The following PCDHGB3 variants were observed in gnomAD, a reference collection of about 807,000 sequenced individuals.
PCDHGB3 encodes the protein protocadherin gamma-B3.
In PCDHGB3, 40 loss-of-function variants were observed where a neutral mutation model predicts 59.2. The ratio of observed to expected loss-of-function variants is 0.68; its 90% CI spans 0.52 to 0.88. The LOEUF (loss-of-function observed/expected upper bound fraction) is 0.88, where lower values mean the gene tolerates loss of function less well. Ranked by LOEUF, PCDHGB3 falls within the 40% of genes least tolerant of loss-of-function variation. PCDHGB3 has a pLI of 0.00. For missense variants in PCDHGB3, 1,309 were observed against 1,187.9 expected, an observed-to-expected ratio of 1.10 and a Z score of -1.50; for synonymous variants, 581 against 503.6, an observed-to-expected ratio of 1.15 and a Z score of -2.06.
At chr5:141,377,750 G>A (rs532331824) in intron 1 of PCDHGB3, 1 of 152,230 alleles carries the variant, frequency 6.6e-6, no homozygotes, top group South Asian at 2.1e-4. Context: ...ACTGCAGCAG[G>A]GGACACCAGA....
chr5:141,406,375 T>C (rs1427638211), intron 1 of PCDHGB3, among the ~76,000 whole-genome samples: 1 of 152,186 alleles, frequency 6.6e-6, no homozygotes, highest in Non-Finnish European at 1.5e-5. Flanking sequence ...GGTAAACTGA[T>C]AAAAAGGTAA....
Position 141,399,470 on chromosome 5 carries a change from T to C in PCDHGB3, c.2415+26661T>C, listed in dbSNP as rs773359741. 70 of 1,614,018 alleles carry C rather than the reference T, an allele frequency of 4.3e-5. No individual in the cohort carries two copies. The Middle Eastern group carries it at 4.9e-4, about 11-fold the overall frequency. On this transcript the variant is annotated intron_variant, in intron 1 of 3. Coordinates refer to ENST00000576222, the MANE Select transcript of PCDHGB3 (RefSeq NM_018924.5). ...GACGTCAACGATAACGCTCCGGTTT[T>C]CCACCAGGCGTCCTACTTAGTCAGT... is the stretch of plus-strand genomic sequence containing the variant.
At chr5:141,504,990 C>T (rs1056476591) in intron 2 of PCDHGB3, among the ~76,000 whole-genome samples, 3 of 151,976 alleles carry the variant, frequency 2.0e-5, no homozygotes, top group Non-Finnish European at 2.9e-5. Context: ...GGTGAAACCC[C>T]GTCTGTACTA....
intron 1 of PCDHGB3, chr5:141,415,715 T>A: frequency 7.0e-7 from 1 of 1,428,190 alleles, no homozygotes; most frequent in Non-Finnish European, 9.3e-7. Flanking sequence ...AAAACACTGA[T>A]GAGTAGAATT....
chr5:141,477,431 G>T lies in PCDHGB3; in HGVS notation c.2416-17376G>T. 3 of 1,614,080 alleles carry T rather than the reference G, an allele frequency of 1.9e-6. No homozygotes were observed. The highest frequency in any genetic ancestry group is 2.5e-6 in the Non-Finnish European group (3 of 1,180,012). On this transcript the variant is annotated intron_variant, in intron 1 of 3. Transcript: ENST00000576222. This position sits in a 1 kb window ranked among gnomAD's most constrained non-coding sequence, Gnocchi z 4.9. ...AGACGCCGGAACCCCTTCCCTCTCA[G>T]CCCTTACAATAGTGCGTGTTCAAGT...
In PCDHGB3 at chr5:141,491,556, C is replaced by T. The variant is rs2099720720; in HGVS notation, c.2416-3251C>T. The T allele has an allele frequency of 1.2e-6, 2 of 1,613,848 alleles. No homozygotes were observed. The highest frequency in any genetic ancestry group is 1.7e-5 in the Admixed American group (1 of 60,000). ...TGCGGCCCACAGACTCGCAGAGCCA[C>T]TGCTACAGGACGTGCTTTTCACCGG... On this transcript the variant is annotated intron_variant, in intron 1 of 3. Transcript: ENST00000576222. The surrounding 1 kb of genome is among the most constrained non-coding windows in gnomAD (Gnocchi z 6.9).
chr5:141,394,987 T>G (rs2093144127), intron 1 of PCDHGB3: 1 of 1,613,874 alleles, frequency 6.2e-7, no homozygotes, highest in South Asian at 1.1e-5. Context: ...TCACGCCTGC[T>G]CCAGGATTCC....
At position 141,487,382 on chromosome 5, in the gene PCDHGB3, T is replaced by A. The variant is rs755316738; in HGVS notation, c.2416-7425T>A. 6.2e-7 allele frequency: 1 copy of A among 1,614,172 alleles called. No individual in the cohort carries two copies. The highest frequency in any genetic ancestry group is 2.2e-5 in the East Asian group (1 of 44,854). On this transcript the variant is annotated intron_variant, in intron 1 of 3. Transcript: ENST00000576222. The surrounding 1 kb of genome is among the most constrained non-coding windows in gnomAD (Gnocchi z 5.0). ...TGGCACCTGTGCCTGTCTCACCAGA[T>A]CTCGAAGGAGGGAGGGGCTTCCCCC...
chr5:141,426,513 CG>C, intron 1 of PCDHGB3: 1 of 341,148 alleles, frequency 2.9e-6, no homozygotes, highest in Non-Finnish European at 5.8e-6. Flanking sequence ...AATACTTTAC[CG>C]TGAACACGGA....
Position 141,477,312 on chromosome 5 carries a change from TTACTTC to T in PCDHGB3, c.2416-17493_2416-17488del, listed in dbSNP as rs773034406. Reference sequence around the variant, plus strand: ...GTTCCACCGGGTCTCCCTTTCAGCCTTACTTCTTCCCTCAAGAATTACTTCACTTTG... The same window carrying T: ...GTTCCACCGGGTCTCCCTTTCAGCCTTTCCCTCAAGAATTACTTCACTTTG... On this transcript the variant is annotated intron_variant, in intron 1 of 3. Coordinates refer to ENST00000576222, the MANE Select transcript of PCDHGB3 (RefSeq NM_018924.5). The surrounding 1 kb of genome is among the most constrained non-coding windows in gnomAD (Gnocchi z 4.9). The T allele has an allele frequency of 2.5e-6, 4 of 1,614,162 alleles. No homozygotes were observed. Among genetic ancestry groups the T allele is most frequent in the Non-Finnish European group, 3.4e-6 (4 of 1,180,032 alleles).
At chr5:141,419,004 T>C in intron 1 of PCDHGB3, 1 of 1,613,886 alleles carries the variant, frequency 6.2e-7, no homozygotes, top group Non-Finnish European at 8.5e-7. Context: ...AATGGGGAAG[T>C]CAGGTGTAGC....
chr5:141,398,736 A>G (rs748665574), intron 1 of PCDHGB3: 1 of 1,613,884 alleles, frequency 6.2e-7, no homozygotes, highest in South Asian at 1.1e-5. Context: ...TAGACCGGGA[A>G]CAACAGAGTT....
Position 141,431,910 on chromosome 5 carries a change from G to A in PCDHGB3, c.2415+59101G>A. The A allele has an allele frequency of 6.2e-7, 1 of 1,614,096 alleles. No individual in the cohort carries two copies. Among genetic ancestry groups the A allele is most frequent in the Non-Finnish European group, 8.5e-7 (1 of 1,179,934 alleles). On this transcript the variant is annotated intron_variant, in intron 1 of 3. Transcript: ENST00000576222. This position sits in a 1 kb window ranked among gnomAD's most constrained non-coding sequence, Gnocchi z 4.8. ...TCTGAGGAAAACGGACAGGTGATCTGTTTCATCCAAGGAAATCTGCCCTTT... is the reference window on the plus strand; with the variant it reads ...TCTGAGGAAAACGGACAGGTGATCTATTTCATCCAAGGAAATCTGCCCTTT...
At position 141,476,499 on chromosome 5, in the gene PCDHGB3, T is replaced by A. The variant is rs763373223; in HGVS notation, c.2416-18308T>A. On this transcript the variant is annotated intron_variant, in intron 1 of 3. Coordinates refer to ENST00000576222, the MANE Select transcript of PCDHGB3 (RefSeq NM_018924.5). This position sits in a 1 kb window ranked among gnomAD's most constrained non-coding sequence, Gnocchi z 7.6. Reference sequence around the variant, plus strand: ...AGCGTGGAAGTGGTGATCCAGGACATCAACGACAACAATCCTGCTTTCCCT... The same window carrying A: ...AGCGTGGAAGTGGTGATCCAGGACAACAACGACAACAATCCTGCTTTCCCT... 3.1e-6 allele frequency: 5 copies of A among 1,613,992 alleles called. No individual in the cohort carries two copies. The South Asian group carries it at 5.5e-5, about 18-fold the overall frequency.
At chr5:141,484,478 A>G (rs2099596967) in intron 1 of PCDHGB3, among the ~76,000 whole-genome samples, 1 of 152,244 alleles carries the variant, frequency 6.6e-6, no homozygotes, top group Admixed American at 6.5e-5. Context: ...CTTTTCTGCA[A>G]AGAGATGGAT....
intron 1 of PCDHGB3, among the ~76,000 whole-genome samples, chr5:141,456,640 TG>T (rs1258175023): frequency 6.6e-6 from 1 of 152,130 alleles, no homozygotes; most frequent in Non-Finnish European, 1.5e-5. Flanking sequence ...TTACTACAGG[TG>T]TTAATCCCAA....
At chr5:141,402,935 T>G in intron 1 of PCDHGB3, 1 of 1,587,712 alleles carries the variant, frequency 6.3e-7, no homozygotes, top group Non-Finnish European at 8.6e-7. Context: ...TTTGAGAAAA[T>G]TCCAAAGCGA....
intron 1 of PCDHGB3, chr5:141,415,762 T>TGTTTG: frequency 7.1e-7 from 1 of 1,399,990 alleles, no homozygotes; most frequent in Non-Finnish European, 9.3e-7. Flanking sequence ...TTTTTTTTTT[T>TGTTTG]TTTTTTTTTT....
chr5:141,395,305 A>G, intron 1 of PCDHGB3: 1 of 1,514,986 alleles, frequency 6.6e-7, no homozygotes. Flanking sequence ...TATGTTTTGA[A>G]AAACATTGTG....
Sources: gnomAD v4.1 joint callset for allele counts (sites outside exome capture counted in the v4.1 genomes callset) on GRCh38, gnomAD v4.1.1 for gene constraint, Gnocchi (gnomAD v3.1) non-coding constraint, MANE v1.5 for transcripts, NCBI Gene and HGNC (gene_info 2026-07-23, HGNC 2026-07-21) for gene names.